Variants in DCC observed in about 807,000 individuals in gnomAD.
DCC encodes DCC netrin 1 receptor.
Under a neutral mutation model 172.5 loss-of-function variants are expected in DCC, and 58 were observed. The ratio of observed to expected loss-of-function variants is 0.34; its 90% CI spans 0.27 to 0.42. The LOEUF is 0.42. Among genes scored for constraint, DCC ranks in the 10% least tolerant of loss-of-function variants. The pLI is 1.00. For missense variants in DCC, 1,740 were observed against 1,791.0 expected (o/e 0.97, Z 0.51); for synonymous variants, 709 against 644.5 (o/e 1.10, Z -1.52).
intron 2 of DCC, among the ~76,000 whole-genome samples, chr18:52,844,439 A>G (rs1400287466): frequency 6.6e-6 from 1 of 152,208 alleles, no homozygotes; most frequent in Non-Finnish European, 1.5e-5. Flanking sequence ...TCATTAATAC[A>G]TGATCCTCTT....
rs1448768887 is a variant in DCC at position 53,124,858 on chromosome 18, T to C, written c.1262-32498T>C. On this transcript the variant is annotated intron_variant, in intron 7 of 28. Coordinates refer to ENST00000442544, the MANE Select transcript of DCC (RefSeq NM_005215.4). ...GGTGGCACATGCCTGTAGTCCCAGC[T>C]ACTTTGGAGGCTGAGGCAGGAGAAT... is the stretch of plus-strand genomic sequence containing the variant. Among the ~76,000 whole-genome samples the C allele has an allele frequency of 2.0e-5, 3 of 151,838 alleles. No homozygotes were observed. The East Asian group carries it at 5.9e-4, about 30-fold the overall frequency.
chr18:52,680,610 A>G (rs967437493), intron 1 of DCC, among the ~76,000 whole-genome samples: 1 of 152,168 alleles, frequency 6.6e-6, no homozygotes, highest in Non-Finnish European at 1.5e-5. Context: ...GAAGAGAGGT[A>G]GCAGGTGTTA....
At chr18:53,444,704 T>C (rs1912489856) in intron 22 of DCC, among the ~76,000 whole-genome samples, 2 of 152,222 alleles carry the variant, frequency 1.3e-5, no homozygotes, top group South Asian at 4.1e-4. Flanking sequence ...GATGTAATGC[T>C]ATTGCACACT....
intron 2 of DCC, among the ~76,000 whole-genome samples, chr18:52,866,915 T>C (rs1164972528): frequency 2.0e-5 from 3 of 152,212 alleles, no homozygotes; most frequent in Non-Finnish European, 4.4e-5. Context: ...TCCAATACTA[T>C]GTTGAATAAG....
chr18:53,238,528 G>T (rs2056237390), intron 12 of DCC, among the ~76,000 whole-genome samples: 1 of 151,948 alleles, frequency 6.6e-6, no homozygotes. Context: ...ACATTTCAGG[G>T]GTCCCTTTTT....
At chr18:52,840,139 A>G (rs1183402863) in intron 2 of DCC, among the ~76,000 whole-genome samples, 1 of 152,176 alleles carries the variant, frequency 6.6e-6, no homozygotes, top group Non-Finnish European at 1.5e-5. Context: ...AGAACCACTG[A>G]AGCCTGTCTA....
intron 1 of DCC, among the ~76,000 whole-genome samples, chr18:52,678,181 C>T (rs1202222767): frequency 1.3e-5 from 2 of 152,080 alleles, no homozygotes; most frequent in Non-Finnish European, 1.5e-5. Context: ...CCTCAAACTG[C>T]CCCAGGCTGC....
chr18:53,286,083 C>T (rs929644995), intron 12 of DCC, among the ~76,000 whole-genome samples: 4 of 152,106 alleles, frequency 2.6e-5, no homozygotes, highest in Non-Finnish European at 5.9e-5. Flanking sequence ...TCAGATGAGA[C>T]TTTGGACTGT....
intron 15 of DCC, among the ~76,000 whole-genome samples, chr18:53,366,202 A>G (rs1457113192): frequency 6.6e-6 from 1 of 151,772 alleles, no homozygotes; most frequent in African/African-American, 2.4e-5. Context: ...GATTGGAGGC[A>G]CTCGCCACCA....
intron 1 of DCC, among the ~76,000 whole-genome samples, chr18:52,556,684 C>A (rs1185192400): frequency 6.6e-6 from 1 of 151,924 alleles, no homozygotes; most frequent in Non-Finnish European, 1.5e-5. Flanking sequence ...AGCACATGCA[C>A]CCCCAGGAGA....
chr18:52,540,270 T>C (rs1046011651), intron 1 of DCC, among the ~76,000 whole-genome samples: 1 of 151,960 alleles, frequency 6.6e-6, no homozygotes, highest in African/African-American at 2.4e-5. Context: ...GCCTTGTCTC[T>C]AAAAAAAATT....
At chr18:52,395,951 A>G (rs1986209377) in intron 1 of DCC, among the ~76,000 whole-genome samples, 1 of 152,150 alleles carries the variant, frequency 6.6e-6, no homozygotes, top group Non-Finnish European at 1.5e-5. Context: ...ACAGATTCAC[A>G]TAAGTCAGGA....
At chr18:53,406,672 C>T (rs1909672030) in intron 19 of DCC, among the ~76,000 whole-genome samples, 1 of 147,258 alleles carries the variant, frequency 6.8e-6, no homozygotes, top group South Asian at 2.1e-4. Context: ...CTATTGCATT[C>T]CAGCCCGGGT....
At chr18:53,128,463 C>T (rs1465915354) in intron 7 of DCC, among the ~76,000 whole-genome samples, 1 of 151,964 alleles carries the variant, frequency 6.6e-6, no homozygotes, top group Non-Finnish European at 1.5e-5. Context: ...TCCATCCTAT[C>T]CTAACGACAA....
At chr18:53,171,530 T>A (rs914521120) in intron 8 of DCC, among the ~76,000 whole-genome samples, 1 of 152,216 alleles carries the variant, frequency 6.6e-6, no homozygotes, top group African/African-American at 2.4e-5. Flanking sequence ...CATAAATTTT[T>A]TATGAATTAT....
chr18:52,957,225 G>A (rs988532268), intron 5 of DCC, among the ~76,000 whole-genome samples: 1 of 151,990 alleles, frequency 6.6e-6, no homozygotes, highest in Non-Finnish European at 1.5e-5. Flanking sequence ...CCTATCATTT[G>A]GAGTTTTCTA....
chr18:53,077,414 A>T (rs1259948287), intron 7 of DCC, among the ~76,000 whole-genome samples: 3 of 152,128 alleles, frequency 2.0e-5, no homozygotes, highest in African/African-American at 7.2e-5. Context: ...CATAAGTGTG[A>T]GTTAAAGGGG....
intron 5 of DCC, among the ~76,000 whole-genome samples, chr18:53,058,758 G>A (rs1226438948): frequency 6.6e-6 from 1 of 152,116 alleles, no homozygotes; most frequent in Non-Finnish European, 1.5e-5. Flanking sequence ...TCACATACTA[G>A]TGTCAAGATA....
intron 2 of DCC, among the ~76,000 whole-genome samples, chr18:52,775,337 A>C (rs8097127): frequency 3.9e-5 from 6 of 152,108 alleles, no homozygotes; most frequent in Admixed American, 1.3e-4. Context: ...TGTGTGATAC[A>C]GGGTGCTCTC....
Sources: gnomAD v4.1 joint callset for allele counts (sites outside exome capture counted in the v4.1 genomes callset) on GRCh38, gnomAD v4.1.1 for gene constraint, MANE v1.5 for transcripts, NCBI Gene and HGNC (gene_info 2026-07-23, HGNC 2026-07-21) for gene names.